The following LEF1 variants were observed in gnomAD, a reference collection of about 807,000 sequenced individuals.
LEF1 encodes lymphoid enhancer-binding factor 1.
A neutral mutation model predicts 51.2 loss-of-function variants in LEF1; 14 were observed. That is an observed-to-expected ratio of 0.27 (90% CI 0.18 to 0.43). The LOEUF (loss-of-function observed/expected upper bound fraction) is 0.43. Among genes scored for constraint, LEF1 ranks in the 20% least tolerant of loss-of-function variants. The pLI is 1.00. For missense variants in LEF1, 386 were observed against 512.0 expected, an observed-to-expected ratio of 0.75 and a Z score of 2.37; for synonymous variants, 185 against 183.2, an observed-to-expected ratio of 1.01 and a Z score of -0.08.
intron 9 of LEF1, among the ~76,000 whole-genome samples, chr4:108,070,118 A>G (rs1170451780): frequency 1.3e-5 from 2 of 152,178 alleles, no homozygotes; most frequent in Non-Finnish European, 2.9e-5. Flanking sequence ...AAACAATAGG[A>G]AGCAACTTAA....
At chr4:108,123,597 G>A (rs373036390) in intron 3 of LEF1, among the ~76,000 whole-genome samples, 4 of 151,912 alleles carry the variant, frequency 2.6e-5, no homozygotes, top group African/African-American at 9.7e-5. Context: ...TCCGCTCATG[G>A]ATGCATTCAA....
intron 3 of LEF1, among the ~76,000 whole-genome samples, chr4:108,127,768 G>A (rs1742637793): frequency 6.6e-6 from 1 of 152,164 alleles, no homozygotes; most frequent in South Asian, 2.1e-4. Flanking sequence ...TGCAACAGGG[G>A]GGTATGTAGC....
chr4:108,053,154 G>A (rs549340391), intron 11 of LEF1, among the ~76,000 whole-genome samples: 1 of 152,246 alleles, frequency 6.6e-6, no homozygotes, highest in East Asian at 1.9e-4. Flanking sequence ...ATCTGTAACA[G>A]TGCAGCCACC....
chr4:108,085,540 T>G (rs928719363), intron 4 of LEF1, among the ~76,000 whole-genome samples: 8 of 152,158 alleles, frequency 5.3e-5, no homozygotes, highest in Admixed American at 2.0e-4. Context: ...AAACTCTTAC[T>G]CTCCGTACTA....
At chr4:108,128,063 T>G (rs1353679065) in intron 3 of LEF1, among the ~76,000 whole-genome samples, 1 of 152,180 alleles carries the variant, frequency 6.6e-6, no homozygotes, top group Non-Finnish European at 1.5e-5. Flanking sequence ...ATAAATACAG[T>G]GAATACCAGT....
At position 108,145,278 on chromosome 4, in the gene LEF1, G is replaced by A. The variant is rs1743930637; in HGVS notation, c.414+18290C>T. 2.0e-5 allele frequency among the ~76,000 whole-genome samples: 3 copies of A among 152,140 alleles called. No individual in the cohort carries two copies. The South Asian group carries it at 6.2e-4, about 32-fold the overall frequency. ...AAGCACAAAAAACAGCAAGAAAATG[G>A]CAAAGCCAACAGTTCTACCTCTAAT... On this transcript the variant is annotated intron_variant, in intron 3 of 11. Coordinates refer to ENST00000265165, the MANE Select transcript of LEF1 (RefSeq NM_016269.5).
rs867626817 is a variant in LEF1, at chr4:108,099,564, G to A, written c.415-10307C>T. Among the ~76,000 whole-genome samples the A allele has an allele frequency of 3.2e-4, 19 of 59,336 alleles. 1 individual carries two copies. The highest frequency in any genetic ancestry group is 5.5e-4 in the Admixed American group (3 of 5,446). 38.9% of individuals were successfully genotyped at this position (59,336 alleles called of 152,430 possible). On this transcript the variant is annotated intron_variant, in intron 3 of 11. Coordinates refer to ENST00000265165, the MANE Select transcript of LEF1 (RefSeq NM_016269.5). ...TATATGTGTGTGTGTGTATGTGTGT[G>A]TGTGTGTATATATATATATATATAT...
chr4:108,149,458 C>CAAA (rs371482539), intron 3 of LEF1, among the ~76,000 whole-genome samples: 9 of 60,592 alleles, frequency 1.5e-4, no homozygotes, highest in East Asian at 4.9e-4. Flanking sequence ...GACTCCGTCT[C>CAAA]AAAAAAAAAA....
At chr4:108,162,242 C>T (rs1478608271) in intron 3 of LEF1, among the ~76,000 whole-genome samples, 3 of 152,170 alleles carry the variant, frequency 2.0e-5, no homozygotes, top group African/African-American at 7.2e-5. Flanking sequence ...ACCCCAAGAT[C>T]TCCACTTTAA....
At chr4:108,154,443 C>CAAAAAAAAA (rs10672899) in intron 3 of LEF1, among the ~76,000 whole-genome samples, 1 of 71,970 alleles carries the variant, frequency 1.4e-5, no homozygotes, top group African/African-American at 5.4e-5. Flanking sequence ...AAGGTAGTAG[C>CAAAAAAAAA]AAAAAAAAAA....
intron 3 of LEF1, among the ~76,000 whole-genome samples, chr4:108,149,611 A>ATATATATACATGTG (rs1356126503): frequency 6.6e-6 from 1 of 150,416 alleles, no homozygotes; most frequent in Non-Finnish European, 1.5e-5. Context: ...ATATATGTAC[A>ATATATATACATGTG]TATATATACA....
chr4:108,079,726 T>G, intron 6 of LEF1, 112 bp from the exon 7 acceptor site: 1 of 1,010,192 alleles, frequency 9.9e-7, no homozygotes, highest in South Asian at 1.5e-5. Context: ...AAAACACATC[T>G]TTACGCACAG....
intron 11 of LEF1, among the ~76,000 whole-genome samples, chr4:108,061,616 T>A (rs1737696677): frequency 6.8e-6 from 1 of 146,714 alleles, no homozygotes; most frequent in Admixed American, 7.1e-5. Context: ...TCCTAAGTGT[T>A]CAGTAATTAA....
intron 3 of LEF1, among the ~76,000 whole-genome samples, chr4:108,089,890 C>A (rs1481879634): frequency 6.6e-6 from 1 of 152,156 alleles, no homozygotes; most frequent in Non-Finnish European, 1.5e-5. Context: ...TGCTTTGGCC[C>A]TCCTCAGTTC....
At chr4:108,087,737 C>G (rs576451099) in intron 4 of LEF1, among the ~76,000 whole-genome samples, 1 of 152,246 alleles carries the variant, frequency 6.6e-6, no homozygotes, top group South Asian at 2.1e-4. Flanking sequence ...AGATGTGCAC[C>G]TCCTGCTCGG....
chr4:108,142,645 C>T (rs1003752392), intron 3 of LEF1, among the ~76,000 whole-genome samples: 1 of 152,204 alleles, frequency 6.6e-6, no homozygotes, highest in African/African-American at 2.4e-5. Context: ...AATCACTATA[C>T]TATGTCTCTG....
intron 5 of LEF1, among the ~76,000 whole-genome samples, chr4:108,083,034 G>C (rs1739414455): frequency 6.6e-6 from 1 of 152,080 alleles, no homozygotes; most frequent in Non-Finnish European, 1.5e-5. Context: ...AAAAAACCTA[G>C]AAAAGAAGAA....
At chr4:108,082,658 T>C (rs1739386432) in intron 5 of LEF1, among the ~76,000 whole-genome samples, 1 of 152,030 alleles carries the variant, frequency 6.6e-6, no homozygotes, top group African/African-American at 2.4e-5. Flanking sequence ...GAGGAGGAAA[T>C]GTTGTGGGTT....
At chr4:108,102,074 A>G (rs1234606871) in intron 3 of LEF1, among the ~76,000 whole-genome samples, 1 of 152,062 alleles carries the variant, frequency 6.6e-6, no homozygotes, top group Non-Finnish European at 1.5e-5. Context: ...AAAAAAAAAA[A>G]AAAAAGAAAG....
Sources: gnomAD v4.1 joint callset for allele counts (sites outside exome capture counted in the v4.1 genomes callset) on GRCh38, gnomAD v4.1.1 for gene constraint, MANE v1.5 for transcripts, NCBI Gene and HGNC (gene_info 2026-07-23, HGNC 2026-07-21) for gene names.